The following HECW1 variants were observed in gnomAD, a reference collection of about 807,000 sequenced individuals.
HECW1 encodes the protein E3 ubiquitin-protein ligase HECW1.
In HECW1, 61 loss-of-function variants were observed where a neutral mutation model predicts 182.3. The ratio of observed to expected loss-of-function variants is 0.33; its 90% CI spans 0.27 to 0.41. The LOEUF (loss-of-function observed/expected upper bound fraction) is 0.41. HECW1 is among the 10% of genes least tolerant of loss of function. The probability of loss-of-function intolerance (pLI) is 1.00; values close to 1 mark genes in which losing one functional copy is unlikely to be tolerated. For synonymous variants in HECW1, 859 were observed against 832.6 expected (o/e 1.03, Z -0.55); for missense variants, 1,739 against 2,108.9 (o/e 0.82, Z 3.44).
At position 43,444,904 on chromosome 7, in the gene HECW1, G is replaced by A. The variant is rs760145989; in HGVS notation, c.1732G>A (p.Ala578Thr). The change falls in exon 11 of 30, where the codon GCG becomes ACG. Residue 578 changes from alanine (A) to threonine (T), a missense_variant. Transcript: ENST00000395891. The surrounding 1 kb of genome is among the most constrained non-coding windows in gnomAD (Gnocchi z 4.3). ...HSMPSAQGGS[A>T]AEEEDGAEEE... ...CATGCCCTCCGCCCAGGGCGGCAGC[G>A]CGGCAGAGGAGGAGGACGGCGCGGA... 6.2e-7 allele frequency: 1 copy of A among 1,602,374 alleles called. No individual in the cohort carries two copies. The highest frequency in any genetic ancestry group is 8.5e-7 in the Non-Finnish European group (1 of 1,173,188).
In HECW1 at chr7:43,466,508, G is replaced by A. The variant is rs1248876238; in HGVS notation, c.2853G>A (p.Gln951=). 1 of 1,613,952 alleles carries A rather than the reference G, an allele frequency of 6.2e-7. No homozygotes were observed. Among genetic ancestry groups the A allele is most frequent in the South Asian group, 1.1e-5 (1 of 91,070 alleles). The part of the protein sequence containing the change: ...VNSQKITLLL[Q]SPAVKFITNP... ...CACAAAAAATCACCTTGCTGCTGCA[G>A]TCCCCAGCGGTCAAGTTCATCACCA... Residue 951 remains glutamine (Q), a synonymous_variant, in exon 15 of 30, where the codon CAG becomes CAA. Transcript: ENST00000395891.
At chr7:43,234,788 C>T (rs1798172462) in intron 2 of HECW1, among the ~76,000 whole-genome samples, 1 of 152,192 alleles carries the variant, frequency 6.6e-6, no homozygotes, top group Admixed American at 6.5e-5. Flanking sequence ...CTGTGTTGCT[C>T]ACTCACGTAT....
intron 2 of HECW1, among the ~76,000 whole-genome samples, chr7:43,187,231 CAAGTCAG>C (rs141218697): frequency 2.3e-3 from 354 of 152,304 alleles, no homozygotes; most frequent in African/African-American, 8.1e-3. Context: ...CAGAAGAGAG[CAAGTCAG>C]AAGTCATGAT....
intron 2 of HECW1, among the ~76,000 whole-genome samples, chr7:43,159,852 T>G (rs1178208838): frequency 6.6e-6 from 1 of 152,098 alleles, no homozygotes. Context: ...GCTAATTTTT[T>G]GTATTTTCAG....
intron 2 of HECW1, among the ~76,000 whole-genome samples, chr7:43,225,948 T>G (rs1412935168): frequency 6.6e-6 from 1 of 152,124 alleles, no homozygotes; most frequent in Non-Finnish European, 1.5e-5. Context: ...TTTTTTTTTA[T>G]TTTTAGTAGA....
chr7:43,276,483 A>G (rs1002302285), intron 3 of HECW1, among the ~76,000 whole-genome samples: 2 of 152,228 alleles, frequency 1.3e-5, no homozygotes, highest in African/African-American at 4.8e-5. Context: ...TGGTCAAAAT[A>G]AAATGCAGGT....
chr7:43,552,283 G>C lies in HECW1; in HGVS notation c.4457G>C (p.Gly1486Ala). The C allele has an allele frequency of 6.2e-7, 1 of 1,614,114 alleles. No homozygotes were observed. Among genetic ancestry groups the C allele is most frequent in the Non-Finnish European group, 8.5e-7 (1 of 1,179,994 alleles). ...DARELELVIAGTAEIDLNDWR... is the reference protein window; with the variant it reads ...DARELELVIAATAEIDLNDWR... ...AGGGAGCTGGAGCTGGTGATAGCTGGCACCGCGGAAATCGACCTAAATGAC... is the reference window on the plus strand; with the variant it reads ...AGGGAGCTGGAGCTGGTGATAGCTGCCACCGCGGAAATCGACCTAAATGAC... Residue 1486 changes from glycine to alanine, a missense_variant, in exon 28 of 30, where the codon GGC (glycine) becomes GCC (alanine). Physicochemically the swap from Gly to Ala is moderately conservative, Grantham distance 60 (BLOSUM62 0). This residue lies in a region of HECW1 where 420 missense variants were observed against 595.7 expected (regional missense o/e 0.71). Coordinates refer to ENST00000395891, the MANE Select transcript of HECW1 (RefSeq NM_015052.5).
At chr7:43,469,127 G>T (rs2077910247) in intron 16 of HECW1, 22 bp downstream of exon 16, 3 of 1,609,372 alleles carry the variant, frequency 1.9e-6, no homozygotes, top group Non-Finnish European at 2.5e-6. Context: ...CCACGTGCGG[G>T]GCTTTCATCA....
chr7:43,311,229 C>T (rs893735815), intron 3 of HECW1, among the ~76,000 whole-genome samples: 3 of 152,166 alleles, frequency 2.0e-5, no homozygotes, highest in Non-Finnish European at 4.4e-5. Context: ...AGCCCGAAGG[C>T]ATTCTGTAGA....
At chr7:43,393,185 G>C (rs763148400) in intron 6 of HECW1, among the ~76,000 whole-genome samples, 5 of 151,908 alleles carry the variant, frequency 3.3e-5, no homozygotes, top group African/African-American at 9.7e-5. Context: ...AACAGAGAGA[G>C]GGGGGGCAAC....
At position 43,320,564 on chromosome 7, in the gene HECW1, TC is replaced by T. The variant is rs745369633; in HGVS notation, c.353-70del. On this transcript the variant is annotated intron_variant, in intron 4 of 29. Coordinates refer to ENST00000395891, the MANE Select transcript of HECW1 (RefSeq NM_015052.5). ...AAGCAGCATTTGTATCCTTTGCTTTTCTTTTATTCCCCTAAATATGCTGTTG... is the reference window on the plus strand; with the variant it reads ...AAGCAGCATTTGTATCCTTTGCTTTTTTTTATTCCCCTAAATATGCTGTTG... The T allele has an allele frequency of 3.0e-5, 32 of 1,071,638 alleles. No homozygotes were observed. The East Asian group carries it at 4.3e-4, about 14-fold the overall frequency. 66.4% of individuals were successfully genotyped at this position (1,071,638 alleles called of 1,614,324 possible). A position where few individuals can be genotyped will look rare whatever the true frequency, so the allele number is the denominator to read the frequency against.
chr7:43,142,582 A>C (rs1015773683), intron 2 of HECW1, among the ~76,000 whole-genome samples: 11 of 152,072 alleles, frequency 7.2e-5, no homozygotes, highest in Non-Finnish European at 1.5e-4. Flanking sequence ...CTGGCTTCCC[A>C]TCCTCACATC....
At chr7:43,461,173 C>T (rs541680507) in intron 13 of HECW1, among the ~76,000 whole-genome samples, 199 of 152,320 alleles carry the variant, frequency 1.3e-3, no homozygotes, top group African/African-American at 4.5e-3. Context: ...CTAGGCAGTT[C>T]TCTCCCAGAA....
intron 3 of HECW1, among the ~76,000 whole-genome samples, chr7:43,303,942 G>A (rs1160451702): frequency 6.6e-6 from 1 of 152,168 alleles, no homozygotes; most frequent in Non-Finnish European, 1.5e-5. Flanking sequence ...GGAGGACCCA[G>A]GGGCAGTATT....
rs1808580931 is a variant in HECW1 at position 43,311,951 on chromosome 7, G to C, written c.216G>C (p.Leu72=). The C allele has an allele frequency of 1.2e-6, 2 of 1,614,002 alleles. No homozygotes were observed. Among genetic ancestry groups the C allele is most frequent in the African/African-American group, 1.3e-5 (1 of 74,920 alleles). The part of the protein sequence containing the change: ...TIPRSTSDTD[L]VTSDSRSTLM... Reference sequence around the variant, plus strand: ...CCCGCTCCACCAGCGACACTGACCTGGTCACCTCGGACAGCCGCTCCACGC... The same window carrying C: ...CCCGCTCCACCAGCGACACTGACCTCGTCACCTCGGACAGCCGCTCCACGC... The change falls in exon 4 of 30, where the codon CTG becomes CTC. Residue 72 remains leucine (L), a synonymous_variant. Transcript: ENST00000395891.
chr7:43,495,055 T>A (rs945728345), intron 19 of HECW1, among the ~76,000 whole-genome samples: 1 of 152,192 alleles, frequency 6.6e-6, no homozygotes, highest in Non-Finnish European at 1.5e-5. Context: ...TTCTTTTTCT[T>A]TGAGGGGGTG....
At position 43,449,813 on chromosome 7, in the gene HECW1, C is replaced by T. The variant is rs191095812; in HGVS notation, c.2399-1015C>T. ...CTGAAAAAAGGGCCATCCTTTGTCC[C>T]GGGCCCTTCTCACTCTGCAAAGATC... is the stretch of plus-strand genomic sequence containing the variant. On this transcript the variant is annotated intron_variant, in intron 11 of 29. Coordinates refer to ENST00000395891, the MANE Select transcript of HECW1 (RefSeq NM_015052.5). 1.9e-4 allele frequency among the ~76,000 whole-genome samples: 29 copies of T among 152,290 alleles called. No individual in the cohort carries two copies. In the East Asian group the frequency reaches 4.3e-3, roughly 22 times the overall value.
intron 2 of HECW1, among the ~76,000 whole-genome samples, chr7:43,228,592 G>A (rs1797632905): frequency 6.6e-6 from 1 of 152,190 alleles, no homozygotes; most frequent in Admixed American, 6.5e-5. Context: ...CCTTTTGTAA[G>A]TTCACTTGGC....
intron 6 of HECW1, among the ~76,000 whole-genome samples, chr7:43,369,686 C>G (rs1467059482): frequency 6.6e-6 from 1 of 151,388 alleles, no homozygotes; most frequent in Non-Finnish European, 1.5e-5. Context: ...ATCCAGTGAC[C>G]TAGAAAAAAG....
Sources: gnomAD v4.1 joint callset for allele counts (sites outside exome capture counted in the v4.1 genomes callset) on GRCh38, gnomAD v4.1.1 for gene constraint, gnomAD v4.1.1 regional missense constraint, Gnocchi (gnomAD v3.1) non-coding constraint, MANE v1.5 for transcripts, NCBI Gene and HGNC (gene_info 2026-07-23, HGNC 2026-07-21) for gene names.